SLCO4A1: variants seen among roughly 807,000 people sequenced by gnomAD.
The protein encoded by SLCO4A1 is colon organic anion transporter.
In SLCO4A1, 51 loss-of-function variants were observed where a neutral mutation model predicts 64.6. The ratio of observed to expected loss-of-function variants is 0.79; its 90% CI spans 0.63 to 1.00. SLCO4A1 has a LOEUF of 1.00. Ranked by LOEUF, SLCO4A1 falls within the 50% of genes least tolerant of loss-of-function variation. The pLI is 0.00. For synonymous variants in SLCO4A1, 471 were observed against 444.9 expected (o/e 1.06, Z -0.74); for missense variants, 919 against 980.5 (o/e 0.94, Z 0.84).
Position 62,656,429 on chromosome 20 carries a change from C to T in SLCO4A1, c.-26C>T, listed in dbSNP as rs905889048. 5.5e-6 allele frequency: 8 copies of T among 1,453,624 alleles called. No homozygotes were observed. The highest frequency in any genetic ancestry group is 2.8e-5 in the African/African-American group (2 of 70,554). 90.0% of individuals were successfully genotyped at this position (1,453,624 alleles called of 1,614,324 possible). ...CACTCCCACTGCGTGGCTGAAGCCT[C>T]GAGGTCACCAGGCGGAGGCGCGGAG... On this transcript the variant is annotated 5_prime_UTR_variant, in exon 2 of 12. Transcript: ENST00000217159.
chr20:62,671,373 A>G (rs1161730224), intron 11 of SLCO4A1, among the ~76,000 whole-genome samples: 1 of 151,984 alleles, frequency 6.6e-6, no homozygotes, highest in Admixed American at 6.5e-5. Context: ...TCATGAGGAC[A>G]CCAGTCATTG....
At chr20:62,683,468 T>C (rs895225607) in intron 2 of SLCO4A1, among the ~76,000 whole-genome samples, 6 of 152,092 alleles carry the variant, frequency 3.9e-5, no homozygotes, top group African/African-American at 1.4e-4. Flanking sequence ...GATGTTGAGG[T>C]TGACGGCGAC....
At chr20:62,679,277 G>A (rs1987726026) in intron 2 of SLCO4A1, among the ~76,000 whole-genome samples, 1 of 152,160 alleles carries the variant, frequency 6.6e-6, no homozygotes, top group Admixed American at 6.6e-5. Context: ...CCTGATGGTG[G>A]ACGTGGTTCT....
downstream of SLCO4A1, among the ~76,000 whole-genome samples, chr20:62,686,346 C>T (rs1054732056): frequency 3.3e-5 from 5 of 152,328 alleles, no homozygotes; most frequent in East Asian, 3.9e-4. Context: ...AACAGTCAAC[C>T]GCAGAGCGGC....
intron 1 of SLCO4A1, among the ~76,000 whole-genome samples, chr20:62,653,884 C>CTTT (rs1983110572): frequency 7.0e-6 from 1 of 142,114 alleles, no homozygotes; most frequent in Non-Finnish European, 1.5e-5. Context: ...ACCCCGGGGC[C>CTTT]TGCCATGGGG....
intron 7 of SLCO4A1, among the ~76,000 whole-genome samples, chr20:62,667,286 G>A (rs1268111369): frequency 6.6e-6 from 1 of 152,252 alleles, no homozygotes; most frequent in East Asian, 1.9e-4. Context: ...AGTGAGAAGT[G>A]CAGATGTTTG....
At position 62,656,996 on chromosome 20, in the gene SLCO4A1, G is replaced by A. The variant is rs757541763; in HGVS notation, c.542G>A (p.Gly181Asp). The change falls in exon 2 of 12, where the codon GGC becomes GAC. Residue 181 changes from glycine to aspartate, a missense_variant. Transcript: ENST00000217159. ...RWLGWGVLLM[G>D]TGSLVFALPH... ...CTGGGCTGGGGCGTGCTGCTTATGG[G>A]CACGGGGTCGCTGGTGTTCGCGCTG... The A allele has an allele frequency of 6.4e-7, 1 of 1,573,004 alleles. No individual in the cohort carries two copies.
At chr20:62,682,561 C>T (rs1046972946) in intron 2 of SLCO4A1, among the ~76,000 whole-genome samples, 15 of 152,144 alleles carry the variant, frequency 9.9e-5, no homozygotes, top group African/African-American at 3.4e-4. Context: ...GTGGGACATT[C>T]CATGAGTCTG....
chr20:62,643,777 G>A (rs1980838040), intron 1 of SLCO4A1, among the ~76,000 whole-genome samples: 1 of 152,244 alleles, frequency 6.6e-6, no homozygotes, highest in Admixed American at 6.5e-5. Context: ...ATAATGACAA[G>A]GACAGTGACA....
At chr20:62,665,229 GA>G in intron 6 of SLCO4A1, 141 bp downstream of exon 6, 1 of 940,216 alleles carries the variant, frequency 1.1e-6, no homozygotes, top group South Asian at 1.7e-5. Flanking sequence ...AGCAGGTGTG[GA>G]GAGCGCCACG....
intron 2 of SLCO4A1, among the ~76,000 whole-genome samples, chr20:62,684,135 G>A (rs550591363): frequency 6.6e-6 from 1 of 152,234 alleles, no homozygotes; most frequent in Non-Finnish European, 1.5e-5. Flanking sequence ...AAGATCTCAC[G>A]TGACCACGCG....
At position 62,669,212 on chromosome 20, in the gene SLCO4A1, G is replaced by A. The variant is rs1297676198; in HGVS notation, c.2025+134G>A. The A allele has an allele frequency of 4.4e-5, 39 of 886,196 alleles. No individual in the cohort carries two copies. The East Asian group carries it at 9.5e-4, about 22-fold the overall frequency. The allele number at this position is 886,196 out of a possible 1,614,324, so 54.9% of individuals were successfully genotyped here. On this transcript the variant is annotated intron_variant, in intron 11 of 11. Transcript: ENST00000217159. ...TGTTCCTGCAGCCAGTTTGTAGAAG[G>A]CCCTTCCCACATTCCTCATGAGTTG...
chr20:62,666,935 C>G (rs1986460061), intron 7 of SLCO4A1, among the ~76,000 whole-genome samples: 1 of 152,196 alleles, frequency 6.6e-6, no homozygotes, highest in South Asian at 2.1e-4. Context: ...GGATGTGCTC[C>G]TGGAGTTGCC....
chr20:62,668,650 GTTCCCGCCTGGGAAGGGGTCCA>G lies in SLCO4A1; in HGVS notation c.1876+115_1876+136del. 5 of 1,102,138 alleles carry G rather than the reference GTTCCCGCCTGGGAAGGGGTCCA, an allele frequency of 4.5e-6. No homozygotes were observed. The Middle Eastern group carries it at 1.1e-3, about 237-fold the overall frequency. The allele number at this position is 1,102,138 out of a possible 1,614,324, so 68.3% of individuals were successfully genotyped here. On this transcript the variant is annotated intron_variant, in intron 10 of 11. Coordinates refer to ENST00000217159, the MANE Select transcript of SLCO4A1 (RefSeq NM_016354.4). ...GGGATGTGCTTCCCAGCAGGAGGCT[GTTCCCGCCTGGGAAGGGGTCCA>G]TTCCCTAACTGTCCACTAGAGGGGC...
intron 6 of SLCO4A1, 133 bp downstream of exon 6, chr20:62,665,221 C>A: frequency 9.5e-7 from 1 of 1,055,348 alleles, no homozygotes; most frequent in Non-Finnish European, 1.4e-6. Flanking sequence ...GCTGCCAGAG[C>A]AGGTGTGGAG....
chr20:62,645,916 C>T lies in SLCO4A1; in HGVS notation c.-97+3363C>T, dbSNP rs951972104. ...GGAGAGCTTGCGATGCTTTGGGTGG[C>T]GTGTGTCGTCCAGTCTGCCCCAGGC... On this transcript the variant is annotated intron_variant, in intron 1 of 11. Transcript: ENST00000217159. This position sits in a 1 kb window ranked among gnomAD's most constrained non-coding sequence, Gnocchi z 4.2. 2.6e-5 allele frequency among the ~76,000 whole-genome samples: 4 copies of T among 152,112 alleles called. No homozygotes were observed. The highest frequency in any genetic ancestry group is 6.5e-5 in the Admixed American group (1 of 15,282).
At chr20:62,657,279 G>T (rs1351525730) in intron 2 of SLCO4A1, 29 bp downstream of exon 2, 1 of 1,493,444 alleles carries the variant, frequency 6.7e-7, no homozygotes, top group East Asian at 2.5e-5. Context: ...GTAAGTGCTG[G>T]CAGGGGTGGC....
At chr20:62,674,475 A>G (rs1987493143), downstream of SLCO4A1, among the ~76,000 whole-genome samples, 1 of 152,192 alleles carries the variant, frequency 6.6e-6, no homozygotes, top group Non-Finnish European at 1.5e-5. Flanking sequence ...GCCCAGGGAC[A>G]CTGGGTGGAG....
At chr20:62,653,667 C>T (rs902194279) in intron 1 of SLCO4A1, among the ~76,000 whole-genome samples, 5 of 152,224 alleles carry the variant, frequency 3.3e-5, no homozygotes, top group African/African-American at 1.2e-4. Context: ...CCAAGGTCAT[C>T]TCTCTGGGCC....
Sources: allele counts gnomAD v4.1 joint callset (sites outside exome capture counted in the v4.1 genomes callset), GRCh38; gene constraint gnomAD v4.1.1; non-coding constraint Gnocchi (gnomAD v3.1); transcripts MANE v1.5; gene names NCBI Gene and HGNC (gene_info 2026-07-23, HGNC 2026-07-21).